Variants in LAMA2 observed in about 807,000 individuals in gnomAD.
The protein encoded by LAMA2 is laminin subunit alpha-2.
Under a neutral mutation model 364.8 loss-of-function variants are expected in LAMA2, and 269 were observed. The ratio of observed to expected loss-of-function variants is 0.74; its 90% CI spans 0.67 to 0.82. LAMA2 has a LOEUF of 0.82. Ranked by LOEUF, LAMA2 falls within the 40% of genes least tolerant of loss-of-function variation. The pLI, the probability that LAMA2 is intolerant of heterozygous loss-of-function variation, is 0.00. For synonymous variants in LAMA2, 1,379 were observed against 1,370.6 expected, an observed-to-expected ratio of 1.01 and a Z score of -0.14; for missense variants, 3,807 against 3,873.2, an observed-to-expected ratio of 0.98 and a Z score of 0.45.
chr6:129,397,476 A>C (rs975211742), intron 37 of LAMA2, among the ~76,000 whole-genome samples: 3 of 152,200 alleles, frequency 2.0e-5, no homozygotes, highest in African/African-American at 7.2e-5. Flanking sequence ...ATCCTAGAAC[A>C]GTATCTAGCA....
chr6:129,233,529 A>C (rs1784802499), intron 12 of LAMA2, among the ~76,000 whole-genome samples: 1 of 152,328 alleles, frequency 6.6e-6, no homozygotes, highest in African/African-American at 2.4e-5. Flanking sequence ...TAAGGAAGAT[A>C]AAATATATTT....
chr6:129,226,472 G>A (rs570000655), intron 12 of LAMA2, among the ~76,000 whole-genome samples: 32 of 152,258 alleles, frequency 2.1e-4, no homozygotes, highest in Non-Finnish European at 4.0e-4. Context: ...GCTGGTACTG[G>A]TTGTTCCTTT....
intron 45 of LAMA2, among the ~76,000 whole-genome samples, chr6:129,449,378 C>T (rs1782549237): frequency 1.3e-5 from 2 of 152,116 alleles, no homozygotes; most frequent in Non-Finnish European, 2.9e-5. Flanking sequence ...TTTGAATGCT[C>T]AGGAGAGGAG....
At chr6:128,997,479 A>T (rs1784053594) in intron 1 of LAMA2, among the ~76,000 whole-genome samples, 1 of 152,122 alleles carries the variant, frequency 6.6e-6, no homozygotes, top group African/African-American at 2.4e-5. Flanking sequence ...TTGAAGACAC[A>T]AACTGGCTAT....
chr6:129,039,784 G>T (rs12193898), intron 1 of LAMA2, among the ~76,000 whole-genome samples: 16,131 of 152,158 alleles, frequency 0.11, 879 homozygotes, highest in East Asian at 0.15. Flanking sequence ...TCACAATATG[G>T]TTCACGTTCC....
intron 1 of LAMA2, among the ~76,000 whole-genome samples, chr6:128,978,525 C>G (rs1173304161): frequency 6.6e-6 from 1 of 151,952 alleles, no homozygotes; most frequent in Non-Finnish European, 1.5e-5. Flanking sequence ...ACCATGTTGG[C>G]CAGACTGGTC....
chr6:129,286,408 C>T (rs530509902), intron 18 of LAMA2, among the ~76,000 whole-genome samples: 15 of 150,172 alleles, frequency 1.0e-4, no homozygotes, highest in East Asian at 5.9e-4. Flanking sequence ...CCTATAAGGA[C>T]GTTTCTGCAC....
At chr6:128,921,707 T>G (rs567751526) in intron 1 of LAMA2, among the ~76,000 whole-genome samples, 1 of 128,464 alleles carries the variant, frequency 7.8e-6, no homozygotes, top group South Asian at 2.3e-4. Flanking sequence ...GTTTTTTTTT[T>G]TTTTTTATTA....
At chr6:129,118,468 G>A (rs1297403018) in intron 4 of LAMA2, among the ~76,000 whole-genome samples, 1 of 152,078 alleles carries the variant, frequency 6.6e-6, no homozygotes, top group Non-Finnish European at 1.5e-5. Context: ...TAGCATATGT[G>A]CATATCCTTG....
At chr6:129,502,622 C>T (rs1325056648) in intron 58 of LAMA2, 37 bp from the exon 59 acceptor site, 1 of 1,253,950 alleles carries the variant, frequency 8.0e-7, no homozygotes. Context: ...AAGAACAGTC[C>T]ATAATCTCCT....
intron 12 of LAMA2, among the ~76,000 whole-genome samples, chr6:129,233,046 C>A (rs1206456280): frequency 6.6e-6 from 1 of 152,050 alleles, no homozygotes; most frequent in East Asian, 1.9e-4. Context: ...TGCCAACAAC[C>A]TGAATGAACA....
chr6:128,969,604 T>C (rs572495185), intron 1 of LAMA2, among the ~76,000 whole-genome samples: 1 of 152,192 alleles, frequency 6.6e-6, no homozygotes, highest in African/African-American at 2.4e-5. Flanking sequence ...CAAACTTTTG[T>C]ATTTTTAGTA....
chr6:128,928,408 T>A (rs1288620203), intron 1 of LAMA2, among the ~76,000 whole-genome samples: 1 of 152,208 alleles, frequency 6.6e-6, no homozygotes, highest in African/African-American at 2.4e-5. Flanking sequence ...ATACTTAGAA[T>A]ACTATATTAT....
Position 129,383,252 on chromosome 6 carries a change from T to C in LAMA2, c.5071+19T>C. On this transcript the variant is annotated intron_variant, in intron 35 of 64. Coordinates refer to ENST00000421865, the MANE Select transcript of LAMA2 (RefSeq NM_000426.4). ...GCAGAAGGTATTAGAAAGAATCACA[T>C]TTTAATCATCATTTCTCCCAACAGA... is the stretch of plus-strand genomic sequence containing the variant. 1 of 1,550,458 alleles carries C rather than the reference T, an allele frequency of 6.4e-7. No individual in the cohort carries two copies. Among genetic ancestry groups the C allele is most frequent in the Non-Finnish European group, 8.9e-7 (1 of 1,125,080 alleles).
In LAMA2 at chr6:129,328,326, A is replaced by G. The variant is rs754700198; in HGVS notation, c.4225A>G (p.Thr1409Ala). The change falls in exon 29 of 65, where the codon ACC becomes GCC. Residue 1409 changes from threonine (T) to alanine (A), a missense_variant. Coordinates refer to ENST00000421865, the MANE Select transcript of LAMA2 (RefSeq NM_000426.4). ...YRLRSQPGGR[T>A]PGPTLGTCVP... ...ACTGCGTTCTCAACCAGGTGGCCGC[A>G]CCCCTGGACCAACCCTGGGCACCTG... is the stretch of plus-strand genomic sequence containing the variant. 1.9e-6 allele frequency: 3 copies of G among 1,614,094 alleles called. No homozygotes were observed. Among genetic ancestry groups the G allele is most frequent in the Non-Finnish European group, 2.5e-6 (3 of 1,180,006 alleles).
At chr6:129,386,135 T>A (rs567043292) in intron 35 of LAMA2, among the ~76,000 whole-genome samples, 72 of 152,216 alleles carry the variant, frequency 4.7e-4, no homozygotes, top group South Asian at 1.2e-3. Context: ...TTAGGATTTT[T>A]AAAAAATTAC....
intron 32 of LAMA2, among the ~76,000 whole-genome samples, chr6:129,354,694 C>CA (rs1777054094): frequency 6.6e-6 from 1 of 151,966 alleles, no homozygotes; most frequent in African/African-American, 2.4e-5. Context: ...ATGTTAAGCA[C>CA]AAAAATTAAA....
In LAMA2 at chr6:129,362,209, A is replaced by G. The variant is rs1207734191; in HGVS notation, c.4718-4010A>G. Among the ~76,000 whole-genome samples the G allele has an allele frequency of 5.9e-5, 9 of 152,284 alleles. No individual in the cohort carries two copies. The Middle Eastern group carries it at 0.014, about 230-fold the overall frequency. ...GTCCATCTCTCCCTTTCCTGAGTCAAAACTGAAATCCTTCAGGCAGGTATC... is the reference window on the plus strand; with the variant it reads ...GTCCATCTCTCCCTTTCCTGAGTCAGAACTGAAATCCTTCAGGCAGGTATC... On this transcript the variant is annotated intron_variant, in intron 32 of 64. Transcript: ENST00000421865.
Position 129,250,224 on chromosome 6 carries a change from G to C in LAMA2, c.1884+11G>C. 1 of 1,455,608 alleles carries C rather than the reference G, an allele frequency of 6.9e-7. No individual in the cohort carries two copies. Among genetic ancestry groups the C allele is most frequent in the Non-Finnish European group, 9.6e-7 (1 of 1,037,402 alleles). The allele number at this position is 1,455,608 out of a possible 1,614,324, so 90.2% of individuals were successfully genotyped here. On this transcript the variant is annotated intron_variant, in intron 13 of 64. Coordinates refer to ENST00000421865, the MANE Select transcript of LAMA2 (RefSeq NM_000426.4). ...ATGATTATCTTAGAGGTAGAGTACT[G>C]AGAGCATGTTCACCCGTGTTACTTC...
Sources: allele counts gnomAD v4.1 joint callset (sites outside exome capture counted in the v4.1 genomes callset), GRCh38; gene constraint gnomAD v4.1.1; transcripts MANE v1.5; gene names NCBI Gene and HGNC (gene_info 2026-07-23, HGNC 2026-07-21).